BEND7: variants seen among roughly 807,000 people sequenced by gnomAD.
BEND7 encodes the protein BEN domain-containing protein 7.
BEND7 carries 28 observed loss-of-function variants against 50.9 expected under a neutral mutation model. The ratio of observed to expected loss-of-function variants is 0.55; its 90% CI spans 0.41 to 0.75. BEND7 has a LOEUF of 0.75. Ranked by LOEUF, BEND7 falls within the 30% of genes least tolerant of loss-of-function variation. The pLI, the probability that BEND7 is intolerant of heterozygous loss-of-function variation, is 0.00. For missense variants in BEND7, 477 were observed against 491.3 expected (o/e 0.97, Z 0.28); for synonymous variants, 170 against 183.9 (o/e 0.92, Z 0.61).
chr10:13,505,546 G>A (rs1326496693), intron 2 of BEND7, among the ~76,000 whole-genome samples: 1 of 152,152 alleles, frequency 6.6e-6, no homozygotes, highest in African/African-American at 2.4e-5. Context: ...TACCCTCCCC[G>A]GGGTCCATAA....
chr10:13,439,633 T>C, downstream of BEND7: 1 of 823,316 alleles, frequency 1.2e-6, no homozygotes, highest in South Asian at 2.1e-5. Context: ...AGAAACTTGG[T>C]GTCAGCTTTG....
chr10:13,465,296 G>A (rs192645354), intron 6 of BEND7, among the ~76,000 whole-genome samples: 2 of 152,282 alleles, frequency 1.3e-5, no homozygotes, highest in East Asian at 3.9e-4. Context: ...ATCAACTAAT[G>A]CACCTAAAAA....
In BEND7 at chr10:13,528,981, G is replaced by C. The variant is rs2079578210; in HGVS notation, c.-448C>G. ...CGGCGGCGGCGGCGGCGGCCCCGAA[G>C]ACGCGGCGGGCGGGCTGCGGGGAGG... On this transcript the variant is annotated 5_prime_UTR_variant, in exon 1 of 9. Transcript: ENST00000466271. 1.4e-5 allele frequency: 2 copies of C among 143,674 alleles called. No homozygotes were observed. The allele number at this position is 143,674 out of a possible 1,614,324, so 8.9% of individuals were successfully genotyped here. A position where few individuals can be genotyped will look rare whatever the true frequency, so the allele number is the denominator to read the frequency against.
intron 2 of BEND7, among the ~76,000 whole-genome samples, chr10:13,517,734 A>G (rs532569915): frequency 5.3e-5 from 8 of 152,272 alleles, no homozygotes; most frequent in African/African-American, 1.9e-4. Context: ...ACAGAGCGAG[A>G]GCCTGTCTCT....
intron 6 of BEND7, among the ~76,000 whole-genome samples, chr10:13,479,601 C>T (rs1325963902): frequency 6.6e-6 from 1 of 152,242 alleles, no homozygotes; most frequent in African/African-American, 2.4e-5. Context: ...GACCCTTCTT[C>T]ACTTCAGGAA....
At chr10:13,468,911 G>A (rs1354508862) in intron 6 of BEND7, among the ~76,000 whole-genome samples, 1 of 152,264 alleles carries the variant, frequency 6.6e-6, no homozygotes, top group African/African-American at 2.4e-5. Flanking sequence ...TGACTGCTGT[G>A]TGGGTAAGCA....
At chr10:13,443,448 A>AG in intron 8 of BEND7, 1 of 152,824 alleles carries the variant, frequency 6.5e-6, no homozygotes, top group East Asian at 1.9e-4. Context: ...CGCTTCTCTA[A>AG]GGAAGAGTTG....
At chr10:13,524,312 G>C (rs1465501024) in intron 2 of BEND7, among the ~76,000 whole-genome samples, 1 of 152,150 alleles carries the variant, frequency 6.6e-6, no homozygotes, top group African/African-American at 2.4e-5. Context: ...TCGTTATTTC[G>C]AATGGCTATA....
chr10:13,453,535 G>T (rs972616098), intron 6 of BEND7, among the ~76,000 whole-genome samples: 2 of 152,132 alleles, frequency 1.3e-5, no homozygotes. Flanking sequence ...TCTATTGAAT[G>T]AAAAATAAGA....
intron 6 of BEND7, among the ~76,000 whole-genome samples, chr10:13,480,100 T>G (rs2075752369): frequency 6.6e-6 from 1 of 152,230 alleles, no homozygotes; most frequent in Non-Finnish European, 1.5e-5. Context: ...GGAGTTGTGT[T>G]TAGTTTTGAG....
Position 13,481,129 on chromosome 10 carries a change from C to CA in BEND7, c.838-6dup. On this transcript the variant is annotated splice_region_variant and splice_polypyrimidine_tract_variant and intron_variant, in intron 5 of 8. Coordinates refer to ENST00000466271, the MANE Select transcript of BEND7 (RefSeq NM_001369863.1). ...TTCAGCAAGTTGTACTTCTGGCTAC[C>CA]AAAAGAACACAGATATTTCATTAAA... 1 of 1,612,802 alleles carries CA rather than the reference C, an allele frequency of 6.2e-7. No individual in the cohort carries two copies. Among genetic ancestry groups the CA allele is most frequent in the Non-Finnish European group, 8.5e-7 (1 of 1,179,284 alleles).
At chr10:13,520,163 A>G (rs970996005) in intron 2 of BEND7, among the ~76,000 whole-genome samples, 5 of 152,176 alleles carry the variant, frequency 3.3e-5, no homozygotes, top group African/African-American at 1.2e-4. Flanking sequence ...TAACAATTCT[A>G]AAGGCCCATT....
At chr10:13,438,792 G>T (rs531331342), downstream of BEND7, 1 of 200,960 alleles carries the variant, frequency 5.0e-6, no homozygotes, top group Non-Finnish European at 1.0e-5. Context: ...ATGGGATACA[G>T]CGGAAAGGAG....
chr10:13,491,267 C>T (rs1286583899), intron 5 of BEND7, among the ~76,000 whole-genome samples: 1 of 144,964 alleles, frequency 6.9e-6, no homozygotes, highest in Non-Finnish European at 1.5e-5. Flanking sequence ...GAGTGGAGAT[C>T]ATGCCACTAC....
rs74902034 is a variant in BEND7, at chr10:13,496,946, T to A, written c.449-58A>T. On this transcript the variant is annotated intron_variant, in intron 3 of 8. Coordinates refer to ENST00000466271, the MANE Select transcript of BEND7 (RefSeq NM_001369863.1). ...AACAAACCAAAAAAAAAAAAAAAAA[T>A]CATAAAGAGGTGGAGAGAAAAAAGA... 7.9e-3 allele frequency: 5,440 copies of A among 692,674 alleles called. 22 individuals are homozygous for A. Among genetic ancestry groups the A allele is most frequent in the Non-Finnish European group, 9.8e-3 (4,876 of 496,630 alleles). The allele number at this position is 692,674 out of a possible 1,614,324, so 42.9% of individuals were successfully genotyped here.
At position 13,528,604 on chromosome 10, in the gene BEND7, C is replaced by T; in HGVS notation, c.-71G>A. 4.8e-6 allele frequency: 4 copies of T among 831,882 alleles called. No individual in the cohort carries two copies. Among genetic ancestry groups the T allele is most frequent in the Non-Finnish European group, 5.8e-6 (4 of 692,784 alleles). 51.5% of individuals were successfully genotyped at this position (831,882 alleles called of 1,614,324 possible). On this transcript the variant is annotated 5_prime_UTR_variant, in exon 1 of 9. Transcript: ENST00000466271. Reference sequence around the variant, plus strand: ...GCGGCAGCGGCAGCGGCGGCAGCGGCAGCGGCGGCGCGGGCTCGTGTCACC... The same window carrying T: ...GCGGCAGCGGCAGCGGCGGCAGCGGTAGCGGCGGCGCGGGCTCGTGTCACC...
At position 13,453,446 on chromosome 10, in the gene BEND7, T is replaced by C. The variant is rs539749920; in HGVS notation, c.1064-788A>G. On this transcript the variant is annotated intron_variant, in intron 6 of 8. Transcript: ENST00000466271. Reference sequence around the variant, plus strand: ...CTTGGTATTTAAAATATTGGTAATTTCGATGTTTTAAAAGGTTTCTCTTAA... The same window carrying C: ...CTTGGTATTTAAAATATTGGTAATTCCGATGTTTTAAAAGGTTTCTCTTAA... Among the ~76,000 whole-genome samples, 486 of 152,232 alleles carry C rather than the reference T, an allele frequency of 3.2e-3. 4 individuals carry two copies. The highest frequency in any genetic ancestry group is 0.011 in the African/African-American group (463 of 41,528).
chr10:13,524,733 C>T (rs557981749), intron 2 of BEND7, among the ~76,000 whole-genome samples: 48 of 151,748 alleles, frequency 3.2e-4, no homozygotes, highest in African/African-American at 1.0e-3. Flanking sequence ...CTTTCTGGGC[C>T]ACAGCATTTC....
chr10:13,458,062 T>G (rs1400928388), intron 6 of BEND7, among the ~76,000 whole-genome samples: 1 of 152,240 alleles, frequency 6.6e-6, no homozygotes, highest in African/African-American at 2.4e-5. Flanking sequence ...CTCTTCTGCT[T>G]AGTATAATTT....
Sources: gnomAD v4.1 joint callset for allele counts (sites outside exome capture counted in the v4.1 genomes callset) on GRCh38, gnomAD v4.1.1 for gene constraint, MANE v1.5 for transcripts, NCBI Gene and HGNC (gene_info 2026-07-23, HGNC 2026-07-21) for gene names.